The following TENM4 variants were observed in gnomAD, a reference collection of about 807,000 sequenced individuals.
The protein encoded by TENM4 is teneurin transmembrane protein 4.
TENM4 carries 82 observed loss-of-function variants against 243.3 expected under a neutral mutation model. The ratio of observed to expected loss-of-function variants is 0.34; its 90% CI spans 0.28 to 0.40. The LOEUF (loss-of-function observed/expected upper bound fraction) is 0.40, where lower values mean the gene tolerates loss of function less well. TENM4 is among the 10% of genes least tolerant of loss of function. TENM4 has a pLI of 1.00. For synonymous variants in TENM4, 1,412 were observed against 1,456.3 expected, an observed-to-expected ratio of 0.97 and a Z score of 0.69; for missense variants, 3,138 against 3,673.3, an observed-to-expected ratio of 0.85 and a Z score of 3.77.
intron 6 of TENM4, among the ~76,000 whole-genome samples, chr11:78,947,107 T>C (rs190761114): frequency 5.3e-5 from 8 of 152,334 alleles, no homozygotes; most frequent in Admixed American, 3.9e-4. Context: ...CATTCCATTG[T>C]ACAGAGAAAT....
chr11:78,799,263 A>C (rs1215586168), intron 15 of TENM4, among the ~76,000 whole-genome samples: 4 of 152,050 alleles, frequency 2.6e-5, no homozygotes, highest in Non-Finnish European at 5.9e-5. Flanking sequence ...CTAGATAATG[A>C]CTCTTCATCT....
intron 12 of TENM4, among the ~76,000 whole-genome samples, chr11:78,819,205 A>G (rs1479168292): frequency 6.6e-6 from 1 of 152,104 alleles, no homozygotes; most frequent in Non-Finnish European, 1.5e-5. Flanking sequence ...GCCTCAGGGA[A>G]CCCACTGCGG....
chr11:78,737,296 C>T (rs1290528580), intron 20 of TENM4, among the ~76,000 whole-genome samples: 1 of 152,190 alleles, frequency 6.6e-6, no homozygotes, highest in African/African-American at 2.4e-5. Context: ...GAACAGTGGC[C>T]TGGCCTGGCC....
chr11:79,232,605 C>T (rs372057787), intron 2 of TENM4, among the ~76,000 whole-genome samples: 4 of 152,234 alleles, frequency 2.6e-5, no homozygotes, highest in Non-Finnish European at 4.4e-5. Flanking sequence ...CAAAACAATT[C>T]GCCATCCACA....
chr11:79,113,111 G>A (rs942584837), intron 4 of TENM4, among the ~76,000 whole-genome samples: 9 of 152,122 alleles, frequency 5.9e-5, no homozygotes, highest in African/African-American at 1.9e-4. Context: ...CTTGACAGCT[G>A]CACAAAAGCA....
chr11:79,234,379 G>T (rs978089979), intron 2 of TENM4, among the ~76,000 whole-genome samples: 2 of 152,180 alleles, frequency 1.3e-5, no homozygotes, highest in African/African-American at 4.8e-5. Context: ...AATGATATTG[G>T]CATGCATTCC....
At chr11:78,956,665 T>C (rs1194775400) in intron 6 of TENM4, among the ~76,000 whole-genome samples, 2 of 152,218 alleles carry the variant, frequency 1.3e-5, no homozygotes, top group Non-Finnish European at 2.9e-5. Flanking sequence ...CCCTCATTTT[T>C]AAGAAGACAC....
chr11:79,408,908 G>T (rs1422173874), intron 1 of TENM4, among the ~76,000 whole-genome samples: 1 of 152,172 alleles, frequency 6.6e-6, no homozygotes, highest in Non-Finnish European at 1.5e-5. Context: ...CTCAGTGGAA[G>T]CTCATAGCAG....
At chr11:79,047,939 CTTAA>C (rs552980465) in intron 6 of TENM4, among the ~76,000 whole-genome samples, 19 of 152,218 alleles carry the variant, frequency 1.2e-4, no homozygotes, top group Middle Eastern at 3.4e-3. Flanking sequence ...TTGAAGAGCA[CTTAA>C]TTAATATAAT....
chr11:78,929,525 G>T (rs941721868), intron 6 of TENM4, among the ~76,000 whole-genome samples: 2 of 152,212 alleles, frequency 1.3e-5, no homozygotes, highest in African/African-American at 4.8e-5. Flanking sequence ...CAATGGGGCT[G>T]CCTAGGTCTT....
intron 18 of TENM4, among the ~76,000 whole-genome samples, chr11:78,758,093 G>GAAAAGCCCAGGGGT (rs1488816835): frequency 6.6e-6 from 1 of 152,162 alleles, no homozygotes; most frequent in Admixed American, 6.5e-5. Flanking sequence ...CAAAGTGGTG[G>GAAAAGCCCAGGGGT]ACAGGAAAAG....
At chr11:79,351,057 C>T (rs895667800) in intron 1 of TENM4, among the ~76,000 whole-genome samples, 17 of 152,110 alleles carry the variant, frequency 1.1e-4, no homozygotes, top group Non-Finnish European at 2.4e-4. Flanking sequence ...GTGCACCAGT[C>T]ATGGGCCTAC....
At position 78,676,259 on chromosome 11, in the gene TENM4, T is replaced by A. The variant is rs1858472512; in HGVS notation, c.5389A>T (p.Lys1797Ter). Residue 1797 changes from lysine to a stop codon, truncating the protein, a stop_gained, in exon 30 of 34, where the codon AAG becomes TAG. Transcript: ENST00000278550. LOFTEE classifies it high-confidence loss of function. ...TCGATGGGCAGCGTGACATTCCTCT[T>A]GCCCACGGTGGGGTTGACGGTGCCA... is the stretch of plus-strand genomic sequence containing the variant. Reference protein sequence around the residue: ...LAGTVNPTVGKRNVTLPIDNG... With the variant: ...LAGTVNPTVG The A allele has an allele frequency of 6.2e-7, 1 of 1,612,140 alleles. No individual in the cohort carries two copies.
At chr11:78,858,101 A>G (rs1396229688) in intron 10 of TENM4, among the ~76,000 whole-genome samples, 1 of 152,228 alleles carries the variant, frequency 6.6e-6, no homozygotes, top group African/African-American at 2.4e-5. Flanking sequence ...CTGAAAATAA[A>G]TACTGGAAAA....
intron 19 of TENM4, 120 bp from the exon 20 acceptor site, chr11:78,738,690 A>G: frequency 9.7e-7 from 1 of 1,029,216 alleles, no homozygotes; most frequent in Non-Finnish European, 1.4e-6. Context: ...TCTTGTACCC[A>G]GGGGTTCATG....
At chr11:79,009,145 G>A (rs1011878933) in intron 6 of TENM4, among the ~76,000 whole-genome samples, 2 of 152,104 alleles carry the variant, frequency 1.3e-5, no homozygotes, top group Admixed American at 6.6e-5. Context: ...TTACCAATTT[G>A]TTATTCCTGG....
chr11:78,830,879 T>C (rs968885657), intron 12 of TENM4, among the ~76,000 whole-genome samples: 4 of 152,322 alleles, frequency 2.6e-5, no homozygotes, highest in African/African-American at 9.6e-5. Context: ...TGATTTTTAG[T>C]GCAGATCCAA....
intron 6 of TENM4, among the ~76,000 whole-genome samples, chr11:79,000,627 G>C (rs762214106): frequency 6.6e-6 from 1 of 152,022 alleles, no homozygotes; most frequent in Admixed American, 6.5e-5. Flanking sequence ...TCAAGATATA[G>C]TTAAAAAAAT....
intron 1 of TENM4, among the ~76,000 whole-genome samples, chr11:79,396,226 T>TA (rs1428224326): frequency 6.6e-6 from 1 of 152,186 alleles, no homozygotes; most frequent in Non-Finnish European, 1.5e-5. Context: ...GTATGAGTCT[T>TA]AATATTCTCC....
Sources: gnomAD v4.1 joint callset for allele counts (sites outside exome capture counted in the v4.1 genomes callset) on GRCh38, gnomAD v4.1.1 for gene constraint, MANE v1.5 for transcripts, NCBI Gene and HGNC (gene_info 2026-07-23, HGNC 2026-07-21) for gene names.